The following SMG1 variants were observed in gnomAD, a reference collection of about 807,000 sequenced individuals.
SMG1 encodes the protein serine/threonine-protein kinase SMG1.
A neutral mutation model predicts 419.9 loss-of-function variants in SMG1; 22 were observed. The observed-to-expected ratio is 0.05, with a 90% confidence interval of 0.04 to 0.07. The LOEUF (loss-of-function observed/expected upper bound fraction) is 0.07. Among genes scored for constraint, SMG1 ranks in the 10% least tolerant of loss-of-function variants. SMG1 has a pLI of 1.00. For synonymous variants in SMG1, 1,538 were observed against 1,553.5 expected (o/e 0.99, Z 0.23); for missense variants, 3,185 against 4,342.0 (o/e 0.73, Z 7.49).
At chr16:18,874,143 GT>G (rs1031362374) in intron 13 of SMG1, among the ~76,000 whole-genome samples, 2 of 151,742 alleles carry the variant, frequency 1.3e-5, no homozygotes, top group African/African-American at 2.4e-5. Context: ...CTTTCTTTGT[GT>G]TTTTTTTCTT....
intron 6 of SMG1, among the ~76,000 whole-genome samples, chr16:18,887,762 T>TAAAAAAAAAAAAAA (rs57393561): frequency 2.6e-5 from 1 of 38,286 alleles, no homozygotes; most frequent in African/African-American, 1.1e-4. Context: ...TCAAAAACAG[T>TAAAAAAAAAAAAAA]AAAAAAAAAA....
chr16:18,920,139 T>A (rs1465840668), intron 1 of SMG1, among the ~76,000 whole-genome samples: 1 of 151,672 alleles, frequency 6.6e-6, no homozygotes, highest in Admixed American at 6.6e-5. Context: ...CCCAGCACTT[T>A]GGGAGGCCGA....
intron 25 of SMG1, 110 bp downstream of exon 25, chr16:18,863,540 T>A: frequency 1.0e-6 from 1 of 978,656 alleles, no homozygotes; most frequent in East Asian, 2.4e-5. Flanking sequence ...AAGTTAGATA[T>A]ATAACCATTT....
At position 18,854,825 on chromosome 16, in the gene SMG1, C is replaced by T. The variant is rs765891134; in HGVS notation, c.4314G>A (p.Val1438=). Residue 1438 remains valine, a synonymous_variant, in exon 30 of 63, where the codon GTG becomes GTA. Coordinates refer to ENST00000446231, the MANE Select transcript of SMG1 (RefSeq NM_015092.5). The stretch of plus-strand genomic sequence containing the variant: ...GTGCCAGCAGTCTTGTTGCAAGGGA[C>T]ACATTCCCTCGTTTTCTAGCAAATT... ...AAKFARKRGN[V]SLATRLLAQC... 1 of 1,614,022 alleles carries T rather than the reference C, an allele frequency of 6.2e-7. No individual in the cohort carries two copies. The highest frequency in any genetic ancestry group is 1.3e-5 in the African/African-American group (1 of 75,058).
intron 6 of SMG1, among the ~76,000 whole-genome samples, chr16:18,887,983 C>A (rs533762154): frequency 1.9e-4 from 29 of 150,702 alleles, no homozygotes; most frequent in African/African-American, 6.6e-4. Flanking sequence ...ATGGCCAGCA[C>A]AACGAAACCC....
chr16:18,812,661 C>CATAT (rs71141068), intron 60 of SMG1, among the ~76,000 whole-genome samples: 4 of 150,894 alleles, frequency 2.7e-5, no homozygotes, highest in South Asian at 2.1e-4. Context: ...CACACACACA[C>CATAT]ATATATATAT....
At chr16:18,831,741 C>T (rs1382754127) in intron 51 of SMG1, among the ~76,000 whole-genome samples, 3 of 106,832 alleles carry the variant, frequency 2.8e-5, no homozygotes, top group African/African-American at 1.2e-4. Context: ...AGCGACACAG[C>T]AAGACTCCAT....
At chr16:18,838,727 A>G (rs368472493) in intron 42 of SMG1, 38 bp from the exon 43 acceptor site, 7 of 1,382,936 alleles carry the variant, frequency 5.1e-6, no homozygotes, top group Non-Finnish European at 7.0e-6. Context: ...GTGAAACACC[A>G]TTAAGAAATT....
At chr16:18,833,380 T>A (rs1481368311) in intron 50 of SMG1, among the ~76,000 whole-genome samples, 3 of 152,182 alleles carry the variant, frequency 2.0e-5, no homozygotes, top group African/African-American at 7.2e-5. Flanking sequence ...TCAGGAACTA[T>A]TTCAAATGAC....
chr16:18,837,326 T>C lies in SMG1; in HGVS notation c.7531A>G (p.Lys2511Glu), dbSNP rs372357632. Residue 2511 changes from lysine to glutamate, a missense_variant, in exon 46 of 63, where the codon AAA (lysine) becomes GAA (glutamate). By Grantham distance (56) the Lys-to-Glu change is moderately conservative. Around this residue, in one of 27 missense-constraint regions of SMG1, gnomAD observed 412 missense variants for 546.6 expected, o/e 0.75. Transcript: ENST00000446231. ...QLTDVEKLQGKLLEEIEFLEG... is the reference protein window; with the variant it reads ...QLTDVEKLQGELLEEIEFLEG... The stretch of plus-strand genomic sequence containing the variant: ...AGAAACTCTATTTCCTCCAGTAGTT[T>C]GCCCTGCAGTTTTTCCACATCTGTC... 8 of 1,613,914 alleles carry C rather than the reference T, an allele frequency of 5.0e-6. No individual in the cohort carries two copies. In the African/African-American group the frequency reaches 9.3e-5, roughly 19 times the overall value.
In SMG1 at chr16:18,852,176, C is replaced by G; in HGVS notation, c.4943G>C (p.Arg1648Thr). Residue 1648 changes from arginine to threonine, a missense_variant, in exon 33 of 63, where the codon AGA becomes ACA. Physicochemically the swap from Arg to Thr is moderately conservative, Grantham distance 71 (BLOSUM62 -1). Around this residue, in one of 27 missense-constraint regions of SMG1, gnomAD observed 493 missense variants for 552.9 expected, o/e 0.89. Coordinates refer to ENST00000446231, the MANE Select transcript of SMG1 (RefSeq NM_015092.5). ...TAGATTCTGAACTTCAGATTTTTCT[C>G]TAGGCAGCAGACGAACACCTTCTCC... ...SQGEGVRLLPREKSEVQNLLP... is the reference protein window; with the variant it reads ...SQGEGVRLLPTEKSEVQNLLP... The G allele has an allele frequency of 1.2e-6, 2 of 1,613,790 alleles. No homozygotes were observed. Among genetic ancestry groups the G allele is most frequent in the Non-Finnish European group, 1.7e-6 (2 of 1,179,850 alleles).
At chr16:18,815,373 G>A in intron 59 of SMG1, 67 bp downstream of exon 59, 1 of 1,575,288 alleles carries the variant, frequency 6.3e-7, no homozygotes. Context: ...TAAATCAAGA[G>A]ATAAACTTCT....
intron 48 of SMG1, 89 bp from the exon 49 acceptor site, chr16:18,835,253 G>C (rs753168480): frequency 4.9e-5 from 64 of 1,299,500 alleles, no homozygotes; most frequent in Non-Finnish European, 6.2e-5. Context: ...AACAAAACTT[G>C]AAGAGTAGAA....
chr16:18,868,803 T>C (rs1377293887), intron 20 of SMG1, 84 bp from the exon 21 acceptor site: 2 of 629,824 alleles, frequency 3.2e-6, no homozygotes, highest in Non-Finnish European at 5.6e-6. Flanking sequence ...CCAATTCACA[T>C]TTATCAAGTA....
chr16:18,872,537 T>C lies in SMG1; in HGVS notation c.1978A>G (p.Ile660Val). The change falls in exon 14 of 63, where the codon ATT (isoleucine) becomes GTT (valine). Residue 660 changes from isoleucine (I) to valine (V), a missense_variant. Coordinates refer to ENST00000446231, the MANE Select transcript of SMG1 (RefSeq NM_015092.5). ...AATGTGTAGAGCACAGCATACTGAATGGCAGGGAAGTGAACAGCCAGGTCA... is the reference window on the plus strand; with the variant it reads ...AATGTGTAGAGCACAGCATACTGAACGGCAGGGAAGTGAACAGCCAGGTCA... ...HSDLAVHFPA[I>V]QYAVLYTLYS... is the part of the protein sequence containing the mutation. 1 of 1,540,926 alleles carries C rather than the reference T, an allele frequency of 6.5e-7. No homozygotes were observed.
intron 13 of SMG1, chr16:18,875,835 A>G (rs982841068): frequency 4.4e-4 from 205 of 464,248 alleles, no homozygotes; most frequent in African/African-American, 3.5e-3. Flanking sequence ...GACATTTTCT[A>G]TAAGCATGCT....
At chr16:18,892,530 C>T (rs1172780124) in intron 3 of SMG1, among the ~76,000 whole-genome samples, 176 bp from the exon 4 acceptor site, 1 of 152,114 alleles carries the variant, frequency 6.6e-6, no homozygotes, top group Non-Finnish European at 1.5e-5. Flanking sequence ...TTGAGACCAG[C>T]CTGGGCAACA....
intron 1 of SMG1, among the ~76,000 whole-genome samples, chr16:18,908,423 A>C (rs1304974782): frequency 6.9e-6 from 1 of 145,008 alleles, no homozygotes; most frequent in Non-Finnish European, 1.5e-5. Context: ...AATCACTAAG[A>C]GTTACATTGC....
chr16:18,918,225 T>C (rs1335951702), intron 1 of SMG1, among the ~76,000 whole-genome samples: 1 of 152,034 alleles, frequency 6.6e-6, no homozygotes, highest in African/African-American at 2.4e-5. Flanking sequence ...ATGGCACCAT[T>C]GTGCTCCAGC....
Sources: allele counts gnomAD v4.1 joint callset (sites outside exome capture counted in the v4.1 genomes callset), GRCh38; gene constraint gnomAD v4.1.1; regional missense constraint gnomAD v4.1.1; transcripts MANE v1.5; gene names NCBI Gene and HGNC (gene_info 2026-07-23, HGNC 2026-07-21).